Variants in WWC1 observed in about 807,000 individuals in gnomAD.
The protein encoded by WWC1 is protein KIBRA.
WWC1 carries 55 observed loss-of-function variants against 138.4 expected under a neutral mutation model. That is an observed-to-expected ratio of 0.40 (90% confidence interval 0.32 to 0.50). The LOEUF is 0.50. WWC1 is among the 20% of genes least tolerant of loss of function. WWC1 has a pLI of 0.72. For synonymous variants in WWC1, 524 were observed against 564.9 expected (o/e 0.93, Z 1.03); for missense variants, 1,226 against 1,420.4 (o/e 0.86, Z 2.20).
intron 18 of WWC1, among the ~76,000 whole-genome samples, chr5:168,454,981 C>T (rs1034897050): frequency 2.6e-5 from 4 of 152,136 alleles, no homozygotes; most frequent in African/African-American, 9.7e-5. Context: ...CTGTGGAAGC[C>T]TTGGGTGTGG....
chr5:168,393,752 C>T (rs905337015), intron 3 of WWC1, among the ~76,000 whole-genome samples: 2 of 152,056 alleles, frequency 1.3e-5, no homozygotes, highest in African/African-American at 2.4e-5. Context: ...GAGAGCAGCT[C>T]GCTCACACTG....
chr5:168,346,914 A>G (rs1774522463), intron 1 of WWC1, among the ~76,000 whole-genome samples: 1 of 152,120 alleles, frequency 6.6e-6, no homozygotes, highest in Admixed American at 6.5e-5. Flanking sequence ...GGGGCACTGG[A>G]CAGATTTTCT....
At position 168,375,961 on chromosome 5, in the gene WWC1, T is replaced by A. The variant is rs80151642; in HGVS notation, c.229+4428T>A. Among the ~76,000 whole-genome samples the A allele has an allele frequency of 2.4e-3, 366 of 152,336 alleles. 8 individuals carry two copies. The East Asian group carries it at 0.061, about 25-fold the overall frequency. ...CCCGATTATCTACACATACCATGAT[T>A]AGATGGTTTTAATCAGTGATCAAAT... is the stretch of plus-strand genomic sequence containing the variant. On this transcript the variant is annotated intron_variant, in intron 2 of 22. Coordinates refer to ENST00000265293, the MANE Select transcript of WWC1 (RefSeq NM_015238.3).
intron 2 of WWC1, among the ~76,000 whole-genome samples, chr5:168,373,719 T>TA (rs368930085): frequency 0.075 from 3,964 of 52,538 alleles, 223 homozygotes; most frequent in Non-Finnish European, 0.087. Context: ...CCTTGTCTCT[T>TA]AAAAAAAAAA....
Position 168,428,042 on chromosome 5 carries a change from C to T in WWC1, c.1820C>T (p.Thr607Met), listed in dbSNP as rs770194537. ...CATTTTCCTTCCCTAGCTGTGAATA[C>T]GGCCCAGGGGTGTGGCCTGAAAGTG... is the stretch of plus-strand genomic sequence containing the variant. ...EGKQLGQAVN[T>M]AQGCGLKVAC... The change falls in exon 12 of 23, where the codon ACG becomes ATG. Residue 607 changes from threonine to methionine, a missense_variant. Transcript: ENST00000265293. 30 of 1,612,852 alleles carry T rather than the reference C, an allele frequency of 1.9e-5. No homozygotes were observed. The highest frequency in any genetic ancestry group is 1.8e-4 in the Admixed American group (11 of 59,930).
intron 17 of WWC1, among the ~76,000 whole-genome samples, chr5:168,447,459 G>A (rs923602003): frequency 6.6e-6 from 1 of 152,174 alleles, no homozygotes; most frequent in African/African-American, 2.4e-5. Context: ...GACACTGTCT[G>A]TGTTCCACTG....
In WWC1 at chr5:168,460,673, C is replaced by G. The variant is rs1456728677; in HGVS notation, c.2847C>G (p.Ser949Arg). 1 of 1,614,014 alleles carries G rather than the reference C, an allele frequency of 6.2e-7. No homozygotes were observed. Among genetic ancestry groups the G allele is most frequent in the Non-Finnish European group, 8.5e-7 (1 of 1,180,032 alleles). The change falls in exon 20 of 23, where the codon AGC becomes AGG. Residue 949 changes from serine (S) to arginine (R), a missense_variant. Ser to Arg is a moderately radical substitution (Grantham distance 110). Coordinates refer to ENST00000265293, the MANE Select transcript of WWC1 (RefSeq NM_015238.3). ...VCRLNRSDSD[S>R]STLSKKPPFV... ...AGCTGAATCGGAGTGATAGTGACAG[C>G]TCCACTCTGTCCAAAAAGCCACCTT...
At chr5:168,330,280 A>G (rs1772920944) in intron 1 of WWC1, among the ~76,000 whole-genome samples, 1 of 152,214 alleles carries the variant, frequency 6.6e-6, no homozygotes, top group Admixed American at 6.5e-5. Context: ...TGTCTAGGAA[A>G]GAAACTTCTG....
chr5:168,397,918 G>A, intron 4 of WWC1, 118 bp downstream of exon 4: 3 of 1,045,652 alleles, frequency 2.9e-6, no homozygotes, highest in Non-Finnish European at 4.4e-6. Context: ...GCCAGTGCTA[G>A]CAAGGTCCTA....
chr5:168,367,668 T>C (rs1316847141), intron 1 of WWC1, among the ~76,000 whole-genome samples: 2 of 152,176 alleles, frequency 1.3e-5, no homozygotes, highest in African/African-American at 4.8e-5. Flanking sequence ...AATCTGGCAG[T>C]GGAACTTCAG....
chr5:168,390,321 A>G (rs571468030), intron 3 of WWC1, among the ~76,000 whole-genome samples: 1 of 152,246 alleles, frequency 6.6e-6, no homozygotes, highest in African/African-American at 2.4e-5. Context: ...GGTTTTTTTT[A>G]CAGATCTCTG....
chr5:168,448,909 G>A (rs10078152), intron 17 of WWC1, among the ~76,000 whole-genome samples: 72,099 of 151,804 alleles, frequency 0.47, 19,757 homozygotes, highest in African/African-American at 0.77. Context: ...ATGAGCCACC[G>A]CACCCAGCTA....
Position 168,437,063 on chromosome 5 carries a change from C to T in WWC1, c.2281-4619C>T, listed in dbSNP as rs182822861. 3.8e-5 allele frequency among the ~76,000 whole-genome samples: 5 copies of T among 130,818 alleles called. No individual in the cohort carries two copies. The East Asian group carries it at 8.3e-4, about 22-fold the overall frequency. 85.8% of individuals were successfully genotyped at this position (130,818 alleles called of 152,430 possible). A position where few individuals can be genotyped will look rare whatever the true frequency, so the allele number is the denominator to read the frequency against. On this transcript the variant is annotated intron_variant, in intron 15 of 22. Transcript: ENST00000265293. Reference sequence around the variant, plus strand: ...ATCCCCAAAACTCTTCCTCCAGCCTCGTGTTCCTTGAATACACACACCAAC... The same window carrying T: ...ATCCCCAAAACTCTTCCTCCAGCCTTGTGTTCCTTGAATACACACACCAAC...
intron 1 of WWC1, among the ~76,000 whole-genome samples, chr5:168,359,881 A>G (rs750096781): frequency 3.4e-4 from 52 of 152,172 alleles, no homozygotes; most frequent in Admixed American, 9.2e-4. Context: ...TGTTAGTCAT[A>G]CAGCCTTGTT....
chr5:168,412,029 G>A, intron 8 of WWC1: 1 of 985,416 alleles, frequency 1.0e-6, no homozygotes, highest in Non-Finnish European at 1.2e-6. Flanking sequence ...CAGCAAAACA[G>A]CAAGACATCT....
At chr5:168,354,655 A>G (rs150594455) in intron 1 of WWC1, among the ~76,000 whole-genome samples, 1 of 152,238 alleles carries the variant, frequency 6.6e-6, no homozygotes, top group Non-Finnish European at 1.5e-5. Context: ...GCCAGTCTAG[A>G]CATCTGTGTA....
At chr5:168,293,699 A>T (rs933123250) in intron 1 of WWC1, among the ~76,000 whole-genome samples, 2 of 152,168 alleles carry the variant, frequency 1.3e-5, no homozygotes, top group Non-Finnish European at 2.9e-5. Flanking sequence ...CTGAATTTAA[A>T]AAGTTTGCTT....
intron 16 of WWC1, among the ~76,000 whole-genome samples, chr5:168,442,893 A>G (rs1354946147): frequency 6.6e-6 from 1 of 152,152 alleles, no homozygotes; most frequent in Non-Finnish European, 1.5e-5. Context: ...TTTCAGTGAA[A>G]AAATATGTTC....
intron 1 of WWC1, among the ~76,000 whole-genome samples, chr5:168,301,280 AGAT>A (rs1268884470): frequency 6.6e-6 from 1 of 152,222 alleles, no homozygotes; most frequent in African/African-American, 2.4e-5. Flanking sequence ...TCCCTGTAGT[AGAT>A]AAGCTCTCCA....
Sources: allele counts gnomAD v4.1 joint callset (sites outside exome capture counted in the v4.1 genomes callset), GRCh38; gene constraint gnomAD v4.1.1; transcripts MANE v1.5; gene names NCBI Gene and HGNC (gene_info 2026-07-23, HGNC 2026-07-21).